Variants in PLXNA4 observed in about 807,000 individuals in gnomAD.
PLXNA4 encodes the protein plexin-A4.
Under a neutral mutation model 191.8 loss-of-function variants are expected in PLXNA4, and 44 were observed. The observed-to-expected ratio is 0.23, with a 90% CI of 0.18 to 0.29. PLXNA4 has a LOEUF of 0.29. Ranked by LOEUF, PLXNA4 falls within the 10% of genes least tolerant of loss-of-function variation. The pLI, the probability that PLXNA4 is intolerant of heterozygous loss-of-function variation, is 1.00. For missense variants in PLXNA4, 1,800 were observed against 2,488.8 expected, an observed-to-expected ratio of 0.72 and a Z score of 5.89; for synonymous variants, 1,082 against 1,009.5, an observed-to-expected ratio of 1.07 and a Z score of -1.36.
chr7:132,636,908 T>G (rs551499127), intron 2 of PLXNA4, among the ~76,000 whole-genome samples: 88 of 152,284 alleles, frequency 5.8e-4, no homozygotes, highest in Non-Finnish European at 7.9e-4. Context: ...ATGCAAAGGA[T>G]GCAGGAGGTG....
Position 132,343,355 on chromosome 7 carries a change from T to C in PLXNA4, c.1372-45133A>G, listed in dbSNP as rs557325025. Among the ~76,000 whole-genome samples, 30 of 152,340 alleles carry C rather than the reference T, an allele frequency of 2.0e-4. No homozygotes were observed. The South Asian group carries it at 6.2e-3, about 32-fold the overall frequency. The stretch of plus-strand genomic sequence containing the variant: ...CCATCCATTCATCCATGGAACTCAT[T>C]TCATCTTGCAAAACTGAAACTCTAC... On this transcript the variant is annotated intron_variant, in intron 3 of 31. Coordinates refer to ENST00000321063, the MANE Select transcript of PLXNA4 (RefSeq NM_020911.2).
chr7:132,483,787 A>AT (rs1797433924), intron 3 of PLXNA4, among the ~76,000 whole-genome samples: 1 of 152,266 alleles, frequency 6.6e-6, no homozygotes, highest in Admixed American at 6.5e-5. Flanking sequence ...TGCACTAGCA[A>AT]TGATCACTTG....
chr7:132,631,133 G>T (rs891059842), intron 2 of PLXNA4, among the ~76,000 whole-genome samples: 1 of 152,162 alleles, frequency 6.6e-6, no homozygotes, highest in African/African-American at 2.4e-5. Flanking sequence ...AATATATGCA[G>T]ATTTTGCCCC....
At chr7:132,345,878 C>A (rs1456775480) in intron 3 of PLXNA4, among the ~76,000 whole-genome samples, 1 of 152,200 alleles carries the variant, frequency 6.6e-6, no homozygotes, top group African/African-American at 2.4e-5. Context: ...CCAGCACAGC[C>A]GTTCACATGA....
intron 3 of PLXNA4, among the ~76,000 whole-genome samples, chr7:132,421,212 CT>C (rs1031817756): frequency 2.0e-5 from 3 of 152,186 alleles, no homozygotes; most frequent in Admixed American, 6.5e-5. Flanking sequence ...TTGTGTCTGG[CT>C]TATTTCACTT....
intron 4 of PLXNA4, among the ~76,000 whole-genome samples, chr7:132,293,839 G>A (rs1376232662): frequency 2.0e-5 from 3 of 152,148 alleles, no homozygotes; most frequent in Non-Finnish European, 4.4e-5. Flanking sequence ...GTGCTAGTAT[G>A]TTTCATGTTA....
chr7:132,484,798 C>CAACTTTAACTAAATTAAATA, intron 3 of PLXNA4: 1 of 1,613,408 alleles, frequency 6.2e-7, no homozygotes. Context: ...AAAGTGGATT[C>CAACTTTAACTAAATTAAATA]AAATTTCCAG....
At chr7:132,513,011 G>A (rs899225488) in intron 1 of PLXNA4, among the ~76,000 whole-genome samples, 4 of 152,214 alleles carry the variant, frequency 2.6e-5, no homozygotes, top group African/African-American at 9.6e-5. Flanking sequence ...TAAGAAGGCA[G>A]GAGAACTGAA....
intron 6 of PLXNA4, 80 bp from the exon 7 acceptor site, chr7:132,227,684 GGAGA>G (rs1195974073): frequency 6.4e-7 from 1 of 1,565,666 alleles, no homozygotes; most frequent in African/African-American, 1.4e-5. Flanking sequence ...AAAGAAAGTG[GGAGA>G]GTGAGAGAGA....
rs747206524 is a variant in PLXNA4, at chr7:132,185,373, G to C, written c.3084C>G (p.Ile1028Met). ...CATACTGAAAGACCAGGTCCTGGTG[G>C]ATCTTGGCCCTGTCCACCTGCACCG... The part of the protein sequence containing the change: ...KVSVQVDRAK[I>M]HQDLVFQYVE... The change falls in exon 16 of 32, where the codon ATC becomes ATG. Residue 1028 changes from isoleucine to methionine, a missense_variant. By Grantham distance (10) the Ile-to-Met change is conservative. Coordinates refer to ENST00000321063, the MANE Select transcript of PLXNA4 (RefSeq NM_020911.2). The C allele has an allele frequency of 4.3e-6, 7 of 1,614,004 alleles. No individual in the cohort carries two copies. The Admixed American group carries it at 1.0e-4, about 23-fold the overall frequency.
intron 1 of PLXNA4, among the ~76,000 whole-genome samples, chr7:132,521,690 C>G (rs1022924246): frequency 2.0e-5 from 3 of 152,162 alleles, no homozygotes; most frequent in Non-Finnish European, 4.4e-5. Context: ...AAGTCTCATC[C>G]CCTTCCTCCC....
chr7:132,265,344 G>A (rs717006), intron 4 of PLXNA4, among the ~76,000 whole-genome samples: 69,408 of 152,086 alleles, frequency 0.46, 16,540 homozygotes, highest in East Asian at 0.71. Context: ...TTTGTTAAGT[G>A]TCTATCCCAA....
At chr7:132,571,045 G>A (rs765234787) in intron 1 of PLXNA4, among the ~76,000 whole-genome samples, 4 of 151,808 alleles carry the variant, frequency 2.6e-5, no homozygotes, top group Non-Finnish European at 4.4e-5. Context: ...TCACAGTGTA[G>A]AGAAGTCAAA....
At chr7:132,486,041 C>A (rs1366265572) in intron 3 of PLXNA4, among the ~76,000 whole-genome samples, 2 of 152,158 alleles carry the variant, frequency 1.3e-5, no homozygotes, top group African/African-American at 4.8e-5. Context: ...TCCCCCCAAG[C>A]TCTCTCCTGC....
At chr7:132,284,360 G>T (rs549748740) in intron 4 of PLXNA4, among the ~76,000 whole-genome samples, 6 of 152,324 alleles carry the variant, frequency 3.9e-5, no homozygotes, top group Middle Eastern at 3.4e-3. Flanking sequence ...ACCAGCAAGA[G>T]GTCTCCTACA....
At chr7:132,561,584 T>TTCCTCCTTCTCTTCC (rs1343503484) in intron 1 of PLXNA4, among the ~76,000 whole-genome samples, 1 of 68,156 alleles carries the variant, frequency 1.5e-5, no homozygotes, top group Non-Finnish European at 2.8e-5. Flanking sequence ...CCTCCTCCTC[T>TTCCTCCTTCTCTTCC]TCCTCCTTCT....
At chr7:132,512,052 A>T (rs1798733695) in intron 1 of PLXNA4, among the ~76,000 whole-genome samples, 1 of 152,228 alleles carries the variant, frequency 6.6e-6, no homozygotes, top group South Asian at 2.1e-4. Context: ...CCTTTGTCTG[A>T]AAGAGACTGC....
intron 1 of PLXNA4, among the ~76,000 whole-genome samples, chr7:132,539,804 C>T (rs1444171522): frequency 2.6e-5 from 4 of 152,206 alleles, no homozygotes; most frequent in African/African-American, 7.2e-5. Flanking sequence ...AGTTCTTCCA[C>T]GATCACTAGG....
At position 132,597,714 on chromosome 7, in the gene PLXNA4, T is replaced by C. The variant is rs147272607; in HGVS notation, c.-87+48214A>G. 5.7e-3 allele frequency among the ~76,000 whole-genome samples: 865 copies of C among 152,314 alleles called. 7 individuals carry two copies. Among genetic ancestry groups the C allele is most frequent in the Middle Eastern group, 0.041 (12 of 294 alleles). On this transcript the variant is annotated intron_variant, in intron 2 of 4. Coordinates refer to the PLXNA4 transcript ENST00000378539. ...AGGGTCTTTTGTTTGTATGCATTCT[T>C]GTAAAATATGTGTATATTTCATGCA...
Sources: allele counts gnomAD v4.1 joint callset (sites outside exome capture counted in the v4.1 genomes callset), GRCh38; gene constraint gnomAD v4.1.1; transcripts MANE v1.5; gene names NCBI Gene and HGNC (gene_info 2026-07-23, HGNC 2026-07-21).